The following YAF2 variants were observed in gnomAD, a reference collection of about 807,000 sequenced individuals.
The protein encoded by YAF2 is YY1-associated factor 2.
YAF2 carries 7 observed loss-of-function variants against 20.1 expected under a neutral mutation model. That is an observed-to-expected ratio of 0.35 (90% CI 0.20 to 0.65). The LOEUF (loss-of-function observed/expected upper bound fraction) is 0.65, where lower values mean the gene tolerates loss of function less well. Ranked by LOEUF, YAF2 falls within the 30% of genes least tolerant of loss-of-function variation. YAF2 has a pLI of 0.69. For synonymous variants in YAF2, 74 were observed against 76.0 expected, an observed-to-expected ratio of 0.97 and a Z score of 0.14; for missense variants, 151 against 219.2, an observed-to-expected ratio of 0.69 and a Z score of 1.96.
rs1394663825 is a variant in YAF2, at chr12:42,238,144, G to T, written c.26+11C>A. 6.5e-7 allele frequency: 1 copy of T among 1,541,054 alleles called. No individual in the cohort carries two copies. Among genetic ancestry groups the T allele is most frequent in the Non-Finnish European group, 8.7e-7 (1 of 1,145,642 alleles). On this transcript the variant is annotated intron_variant, in intron 1 of 3. Transcript: ENST00000534854. ...CGCACAGTCCGGGCCCCGGGGCCCG[G>T]GCGCTGTTACCTGGTGGGGCTCTTC...
chr12:42,179,090 C>T (rs2066272689), intron 2 of YAF2, among the ~76,000 whole-genome samples: 1 of 152,134 alleles, frequency 6.6e-6, no homozygotes, highest in East Asian at 1.9e-4. Flanking sequence ...GTCTGGGCTC[C>T]ACCTTTAAGA....
intron 2 of YAF2, chr12:42,235,492 G>T (rs1484417519): frequency 4.3e-5 from 53 of 1,246,422 alleles, no homozygotes; most frequent in Non-Finnish European, 5.2e-5. Context: ...AAACCACTAG[G>T]AAAATAACAG....
chr12:42,205,367 C>G (rs1165887504), intron 2 of YAF2, among the ~76,000 whole-genome samples: 1 of 150,816 alleles, frequency 6.6e-6, no homozygotes, highest in Admixed American at 6.6e-5. Flanking sequence ...TTTCTTGCTG[C>G]TGCTTCTTCT....
At chr12:42,210,445 T>G in intron 2 of YAF2, 2 of 1,534,750 alleles carry the variant, frequency 1.3e-6, no homozygotes. Flanking sequence ...CTGATGGGCA[T>G]CCACTGGAAC....
chr12:42,223,517 C>T (rs1479316685), intron 2 of YAF2, among the ~76,000 whole-genome samples: 1 of 151,960 alleles, frequency 6.6e-6, no homozygotes, highest in Non-Finnish European at 1.5e-5. Context: ...ACCAAAAGTG[C>T]TTTATTTATA....
intron 2 of YAF2, among the ~76,000 whole-genome samples, chr12:42,177,355 C>A (rs2066222478): frequency 6.6e-6 from 1 of 152,104 alleles, no homozygotes; most frequent in Non-Finnish European, 1.5e-5. Flanking sequence ...AAGTCCAAGA[C>A]CAAGGTCCAG....
chr12:42,193,977 A>C (rs1014600318), intron 2 of YAF2, among the ~76,000 whole-genome samples: 1 of 152,238 alleles, frequency 6.6e-6, no homozygotes, highest in African/African-American at 2.4e-5. Flanking sequence ...AAAAGTAATA[A>C]AGTAAAAAAA....
intron 2 of YAF2, among the ~76,000 whole-genome samples, chr12:42,214,368 C>A (rs1422626841): frequency 6.6e-6 from 1 of 152,158 alleles, no homozygotes; most frequent in Non-Finnish European, 1.5e-5. Context: ...CCTTCTTGGG[C>A]TCAAGCCATT....
chr12:42,213,303 C>T (rs113207347), intron 2 of YAF2, among the ~76,000 whole-genome samples: 1 of 152,370 alleles, frequency 6.6e-6, no homozygotes, highest in African/African-American at 2.4e-5. Flanking sequence ...CTGACAACCA[C>T]ATGAGTGAGC....
Position 42,161,669 on chromosome 12 carries a change from T to C in YAF2, c.249A>G (p.Glu83=). 1 of 1,608,252 alleles carries C rather than the reference T, an allele frequency of 6.2e-7. No homozygotes were observed. Among genetic ancestry groups the C allele is most frequent in the Non-Finnish European group, 8.5e-7 (1 of 1,178,424 alleles). ...TTGTTTCCTTTTCACTTTTTTCTTT[T>C]TCTACTTTATCTTTTTTCTCTTTCT... The part of the protein sequence containing the change: ...QSKKEKKDKV[E]KEKSEKETTS... The change falls in exon 3 of 4, where the codon GAA becomes GAG. Residue 83 remains glutamate, a synonymous_variant. Transcript: ENST00000534854.
Position 42,226,760 on chromosome 12 carries a change from T to C in YAF2, c.152+10839A>G, listed in dbSNP as rs541824711. 2.6e-5 allele frequency among the ~76,000 whole-genome samples: 4 copies of C among 152,326 alleles called. No individual in the cohort carries two copies. In the East Asian group the frequency reaches 5.8e-4, roughly 22 times the overall value. ...TTTTTACAAACATAGTGTTCAAAAT[T>C]ATTGGAAAAGCAACGCCAGGTGTCA... On this transcript the variant is annotated intron_variant, in intron 2 of 3. Coordinates refer to ENST00000534854, the MANE Select transcript of YAF2 (RefSeq NM_005748.6).
chr12:42,205,800 A>T, intron 2 of YAF2: 1 of 271,474 alleles, frequency 3.7e-6, no homozygotes, highest in Non-Finnish European at 7.5e-6. Flanking sequence ...CAATCTTTCA[A>T]TCTAATACAT....
chr12:42,232,764 G>A (rs1169486864), intron 2 of YAF2: 1 of 985,102 alleles, frequency 1.0e-6, no homozygotes, highest in Admixed American at 6.1e-5. Flanking sequence ...CCAGATGATA[G>A]TTGGTTTAAG....
chr12:42,208,776 A>G (rs1228747064), intron 2 of YAF2, among the ~76,000 whole-genome samples: 1 of 152,248 alleles, frequency 6.6e-6, no homozygotes, highest in Non-Finnish European at 1.5e-5. Context: ...CTATCTGAAG[A>G]AAGTGAGAAA....
intron 2 of YAF2, among the ~76,000 whole-genome samples, chr12:42,230,000 T>C (rs2067930380): frequency 6.6e-6 from 1 of 152,186 alleles, no homozygotes; most frequent in African/African-American, 2.4e-5. Flanking sequence ...GGCTTACGCC[T>C]GCAATCACAG....
At chr12:42,219,593 GGCACACACCCATACATACAACCCTGCCT>G (rs2067455508) in intron 2 of YAF2, among the ~76,000 whole-genome samples, 1 of 152,002 alleles carries the variant, frequency 6.6e-6, no homozygotes, top group South Asian at 2.1e-4. Flanking sequence ...TGCATGCCCA[GGCACACACCCATACATACAACCCTGCCT>G]GCACACACAC....
chr12:42,192,584 T>C (rs1592213825), intron 2 of YAF2, among the ~76,000 whole-genome samples: 1 of 152,204 alleles, frequency 6.6e-6, no homozygotes, highest in Admixed American at 6.5e-5. Flanking sequence ...CTTTTAAGGA[T>C]GTTAAGTGAC....
chr12:42,192,063 C>A (rs1200366970), intron 2 of YAF2, among the ~76,000 whole-genome samples: 2 of 148,506 alleles, frequency 1.3e-5, no homozygotes, highest in Admixed American at 6.7e-5. Context: ...ACAAAACATA[C>A]AATTAGATTT....
intron 2 of YAF2, among the ~76,000 whole-genome samples, chr12:42,175,818 C>G (rs71453336): frequency 0.066 from 9,795 of 147,546 alleles, 459 homozygotes; most frequent in Non-Finnish European, 0.1. Context: ...TCTGTAGGCT[C>G]AAATTTTTTG....
Sources: allele counts gnomAD v4.1 joint callset (sites outside exome capture counted in the v4.1 genomes callset), GRCh38; gene constraint gnomAD v4.1.1; transcripts MANE v1.5; gene names NCBI Gene and HGNC (gene_info 2026-07-23, HGNC 2026-07-21).